The following SOCS6 variants were observed in gnomAD, a reference collection of about 807,000 sequenced individuals.
SOCS6 encodes STAT induced STAT inhibitor-4.
Under a neutral mutation model 27.7 loss-of-function variants are expected in SOCS6, and 5 were observed. The observed-to-expected ratio is 0.18, with a 90% confidence interval of 0.09 to 0.38. SOCS6 has a LOEUF of 0.38. Among genes scored for constraint, SOCS6 ranks in the 10% least tolerant of loss-of-function variants. The pLI is 1.00. For missense variants in SOCS6, 595 were observed against 688.1 expected, an observed-to-expected ratio of 0.86 and a Z score of 1.51; for synonymous variants, 271 against 260.0, an observed-to-expected ratio of 1.04 and a Z score of -0.41.
chr18:70,291,270 C>G (rs975822222), intron 1 of SOCS6, among the ~76,000 whole-genome samples: 1 of 152,138 alleles, frequency 6.6e-6, no homozygotes, highest in Admixed American at 6.5e-5. Flanking sequence ...CCACACCTGG[C>G]TGATTGTTTT....
chr18:70,326,510 AT>A lies in SOCS6; in HGVS notation c.*235del, dbSNP rs1423778310. On this transcript the variant is annotated 3_prime_UTR_variant, in exon 2 of 2. Coordinates refer to ENST00000397942, the MANE Select transcript of SOCS6 (RefSeq NM_004232.4). The stretch of plus-strand genomic sequence containing the variant: ...GTTTTAGAGGTGTGAATTATGTTTC[AT>A]CAATGTGCAGAATAATCACAATGTG... 3.9e-6 allele frequency: 2 copies of A among 513,372 alleles called. No individual in the cohort carries two copies. The highest frequency in any genetic ancestry group is 3.9e-5 in the African/African-American group (2 of 51,918). 31.8% of individuals were successfully genotyped at this position (513,372 alleles called of 1,614,324 possible). A position where few individuals can be genotyped will look rare whatever the true frequency, so the allele number is the denominator to read the frequency against.
intron 1 of SOCS6, among the ~76,000 whole-genome samples, chr18:70,297,321 A>G (rs189287965): frequency 2.0e-5 from 3 of 151,006 alleles, no homozygotes; most frequent in African/African-American, 7.3e-5. Context: ...TGATGGAGAT[A>G]AAGAAGTGTA....
At chr18:70,296,308 G>A (rs2062322440) in intron 1 of SOCS6, among the ~76,000 whole-genome samples, 1 of 152,178 alleles carries the variant, frequency 6.6e-6, no homozygotes, top group African/African-American at 2.4e-5. Context: ...TTATTTGGCA[G>A]TGACAAATTA....
At chr18:70,304,477 T>C (rs886230258) in intron 1 of SOCS6, among the ~76,000 whole-genome samples, 6 of 152,208 alleles carry the variant, frequency 3.9e-5, no homozygotes, top group African/African-American at 1.4e-4. Flanking sequence ...TGTCATGATA[T>C]TGTCATGATA....
intron 1 of SOCS6, among the ~76,000 whole-genome samples, chr18:70,305,213 GAAAAAA>G (rs1305242426): frequency 7.0e-6 from 1 of 143,152 alleles, no homozygotes; most frequent in Admixed American, 6.9e-5. Flanking sequence ...GTCTCAAAAA[GAAAAAA>G]AAAAAAGTTT....
In SOCS6 at chr18:70,330,179, TA is replaced by T. The variant is rs1464810966; in HGVS notation, c.*3909del. ...TCTGCTTCTAGATACAGTGTGTAAA[TA>T]AAAAATTTCGTTCACAAGACCTGCC... On this transcript the variant is annotated 3_prime_UTR_variant, in exon 2 of 2. Transcript: ENST00000397942. 1.2e-5 allele frequency: 2 copies of T among 167,076 alleles called. No homozygotes were observed. Among genetic ancestry groups the T allele is most frequent in the African/African-American group, 2.4e-5 (1 of 41,466 alleles). 10.3% of individuals were successfully genotyped at this position (167,076 alleles called of 1,614,324 possible). A position where few individuals can be genotyped will look rare whatever the true frequency, so the allele number is the denominator to read the frequency against.
chr18:70,296,906 C>CTTTTTTTTTTTTTTTTTTTTTTTTTTTT (rs375704179), intron 1 of SOCS6, among the ~76,000 whole-genome samples: 2 of 129,158 alleles, frequency 1.5e-5, no homozygotes, highest in African/African-American at 3.1e-5. Flanking sequence ...CATTTTCTTT[C>CTTTTTTTTTTTTTTTTTTTTTTTTTTTT]TTTTTTTTTT....
chr18:70,294,343 C>T (rs1159421528), intron 1 of SOCS6, among the ~76,000 whole-genome samples: 1 of 151,904 alleles, frequency 6.6e-6, no homozygotes, highest in African/African-American at 2.4e-5. Flanking sequence ...TTTTTCTTGT[C>T]AGTTTTTTTT....
chr18:70,296,413 A>G (rs1199250610), intron 1 of SOCS6, among the ~76,000 whole-genome samples: 2 of 152,142 alleles, frequency 1.3e-5, no homozygotes, highest in Non-Finnish European at 2.9e-5. Context: ...CTTTGGGTCC[A>G]ATCTGCTTTC....
intron 1 of SOCS6, among the ~76,000 whole-genome samples, chr18:70,307,810 G>GT (rs2062375463): frequency 6.6e-6 from 1 of 151,806 alleles, no homozygotes; most frequent in South Asian, 2.1e-4. Context: ...GGTTTTATTT[G>GT]TTTTTTCCCT....
At chr18:70,312,595 CTTGTT>C (rs1161091219) in intron 1 of SOCS6, among the ~76,000 whole-genome samples, 1 of 151,976 alleles carries the variant, frequency 6.6e-6, no homozygotes, top group Non-Finnish European at 1.5e-5. Flanking sequence ...AAGAGGTTAT[CTTGTT>C]TTGGTTTGAA....
intron 1 of SOCS6, among the ~76,000 whole-genome samples, chr18:70,298,872 C>T (rs1268418251): frequency 2.6e-5 from 4 of 152,192 alleles, no homozygotes; most frequent in African/African-American, 9.7e-5. Flanking sequence ...CACCTGTAAT[C>T]CCAACACTTT....
chr18:70,323,485 C>CA (rs1215763296), intron 1 of SOCS6, among the ~76,000 whole-genome samples: 3 of 151,648 alleles, frequency 2.0e-5, no homozygotes, highest in African/African-American at 7.3e-5. Context: ...TGGGAAATTG[C>CA]AAAAAAAGAA....
At chr18:70,319,097 T>G (rs1389911093) in intron 1 of SOCS6, among the ~76,000 whole-genome samples, 3 of 146,664 alleles carry the variant, frequency 2.0e-5, no homozygotes, top group Non-Finnish European at 4.6e-5. Context: ...GTATTGTAAT[T>G]CTTTTTTATT....
At chr18:70,298,841 C>G (rs1246300875) in intron 1 of SOCS6, among the ~76,000 whole-genome samples, 2 of 152,054 alleles carry the variant, frequency 1.3e-5, no homozygotes, top group African/African-American at 4.8e-5. Flanking sequence ...ACTGAGTGTC[C>G]AGGCTGGGTG....
At chr18:70,311,677 A>G (rs763396246) in intron 1 of SOCS6, among the ~76,000 whole-genome samples, 11 of 152,176 alleles carry the variant, frequency 7.2e-5, no homozygotes, top group Non-Finnish European at 1.0e-4. Flanking sequence ...TGAAACATTT[A>G]CTATGCACTT....
At chr18:70,321,950 T>C (rs1358494927) in intron 1 of SOCS6, among the ~76,000 whole-genome samples, 2 of 152,188 alleles carry the variant, frequency 1.3e-5, no homozygotes, top group African/African-American at 2.4e-5. Context: ...AAAGCTGTTT[T>C]GTTTATTGAA....
At chr18:70,322,624 A>G (rs1038334054) in intron 1 of SOCS6, among the ~76,000 whole-genome samples, 1 of 152,214 alleles carries the variant, frequency 6.6e-6, no homozygotes, top group Non-Finnish European at 1.5e-5. Flanking sequence ...AAGACATGCT[A>G]CTAAGACACT....
intron 1 of SOCS6, among the ~76,000 whole-genome samples, chr18:70,307,855 C>T (rs1409410741): frequency 6.6e-6 from 1 of 151,950 alleles, no homozygotes; most frequent in Non-Finnish European, 1.5e-5. Context: ...TTAATTTCTA[C>T]TCTAACATTT....
Sources: gnomAD v4.1 joint callset for allele counts (sites outside exome capture counted in the v4.1 genomes callset) on GRCh38, gnomAD v4.1.1 for gene constraint, MANE v1.5 for transcripts, NCBI Gene and HGNC (gene_info 2026-07-23, HGNC 2026-07-21) for gene names.